SHISA6: variants seen among roughly 807,000 people sequenced by gnomAD.
The protein encoded by SHISA6 is shisa family member 6.
A neutral mutation model predicts 47.9 loss-of-function variants in SHISA6; 22 were observed. The observed-to-expected ratio is 0.46, with a 90% CI of 0.33 to 0.66. SHISA6 has a LOEUF of 0.66. SHISA6 is among the 30% of genes least tolerant of loss of function. The pLI is 0.02. For missense variants in SHISA6, 680 were observed against 764.6 expected (o/e 0.89, Z 1.30); for synonymous variants, 388 against 337.8 (o/e 1.15, Z -1.63).
intron 3 of SHISA6, among the ~76,000 whole-genome samples, chr17:11,528,471 G>A (rs2071704936): frequency 6.6e-6 from 1 of 152,084 alleles, no homozygotes; most frequent in African/African-American, 2.4e-5. Flanking sequence ...AAATACAGAT[G>A]GACAGTTGCA....
At chr17:11,532,923 C>T (rs2071749302) in intron 3 of SHISA6, among the ~76,000 whole-genome samples, 1 of 151,910 alleles carries the variant, frequency 6.6e-6, no homozygotes, top group Non-Finnish European at 1.5e-5. Context: ...TGCAAGACAC[C>T]ACATCCAGTT....
At chr17:11,358,667 C>CTTTTTTTTTT (rs71142206) in intron 2 of SHISA6, among the ~76,000 whole-genome samples, 2,846 of 141,084 alleles carry the variant, frequency 0.02, 90 homozygotes, top group African/African-American at 0.064. Context: ...CCAGAATTTC[C>CTTTTTTTTTT]TTTTTTTTTT....
intron 3 of SHISA6, among the ~76,000 whole-genome samples, chr17:11,467,309 T>C (rs1313815253): frequency 1.3e-5 from 2 of 152,158 alleles, no homozygotes; most frequent in Admixed American, 1.3e-4. Flanking sequence ...AGTTCGTGTT[T>C]AATTCAAAGA....
At chr17:11,531,111 A>G (rs2142371254) in intron 3 of SHISA6, among the ~76,000 whole-genome samples, 1 of 152,030 alleles carries the variant, frequency 6.6e-6, no homozygotes, top group African/African-American at 2.4e-5. Flanking sequence ...CAGCTCAGAT[A>G]CCGTTAGTGA....
chr17:11,294,560 G>A (rs767992456), intron 2 of SHISA6, among the ~76,000 whole-genome samples: 1 of 152,140 alleles, frequency 6.6e-6, no homozygotes, highest in Admixed American at 6.5e-5. Context: ...GTCTTGCAAA[G>A]TTTGTTCCCA....
intron 3 of SHISA6, among the ~76,000 whole-genome samples, chr17:11,442,225 T>G (rs1271828562): frequency 6.6e-6 from 1 of 152,198 alleles, no homozygotes; most frequent in Non-Finnish European, 1.5e-5. Context: ...AGTCTCAGAC[T>G]TATGGGCACA....
At chr17:11,322,114 T>C (rs562493060) in intron 2 of SHISA6, among the ~76,000 whole-genome samples, 30 of 152,334 alleles carry the variant, frequency 2.0e-4, no homozygotes, top group African/African-American at 7.2e-4. Flanking sequence ...AACATTATTT[T>C]CATGTGCAAT....
chr17:11,553,478 T>A (rs2071948326), intron 4 of SHISA6, among the ~76,000 whole-genome samples: 1 of 152,176 alleles, frequency 6.6e-6, no homozygotes, highest in Non-Finnish European at 1.5e-5. Context: ...TGTCTTCTTT[T>A]TTCCAACTGG....
intron 1 of SHISA6, among the ~76,000 whole-genome samples, chr17:11,248,383 G>A (rs1406152978): frequency 6.6e-6 from 1 of 152,160 alleles, no homozygotes; most frequent in Non-Finnish European, 1.5e-5. Context: ...ATTCAGAGAG[G>A]CTAGGTCACA....
At chr17:11,334,061 G>A (rs1911229635) in intron 2 of SHISA6, among the ~76,000 whole-genome samples, 2 of 152,172 alleles carry the variant, frequency 1.3e-5, no homozygotes, top group African/African-American at 2.4e-5. Context: ...AGTCAGTAAA[G>A]TGTGTTCCTG....
At chr17:11,362,303 C>G (rs565673601) in intron 2 of SHISA6, among the ~76,000 whole-genome samples, 2 of 152,100 alleles carry the variant, frequency 1.3e-5, no homozygotes, top group Non-Finnish European at 2.9e-5. Flanking sequence ...CAACACTCAG[C>G]TAATTTCTTT....
At chr17:11,361,983 A>G (rs1004819800) in intron 2 of SHISA6, among the ~76,000 whole-genome samples, 8 of 152,202 alleles carry the variant, frequency 5.3e-5, no homozygotes, top group Non-Finnish European at 5.9e-5. Context: ...TGGAGGGAAC[A>G]GACTACAAGC....
intron 2 of SHISA6, among the ~76,000 whole-genome samples, chr17:11,318,068 T>A (rs979987470): frequency 9.2e-5 from 14 of 152,236 alleles, no homozygotes; most frequent in African/African-American, 2.6e-4. Context: ...AAATTTTTTT[T>A]ATGTATTTCT....
In SHISA6 at chr17:11,430,264, G is replaced by A. The variant is rs1914716993; in HGVS notation, c.895+50755G>A. ...GTCCATAGGAGAACTGCAGTTTCTG[G>A]CCCTTTTGTGATTGGACGAGGCCAC... On this transcript the variant is annotated intron_variant, in intron 3 of 5. Coordinates refer to ENST00000441885, the MANE Select transcript of SHISA6 (RefSeq NM_207386.4). Among the ~76,000 whole-genome samples the A allele has an allele frequency of 2.0e-5, 3 of 152,200 alleles. No individual in the cohort carries two copies. In the South Asian group the frequency reaches 6.2e-4, roughly 32 times the overall value.
chr17:11,408,670 T>C (rs373019460), intron 3 of SHISA6, among the ~76,000 whole-genome samples: 1 of 152,350 alleles, frequency 6.6e-6, no homozygotes, highest in African/African-American at 2.4e-5. Context: ...TGAAGCCATC[T>C]ATTCATTGCC....
chr17:11,330,720 A>G (rs1911072931), intron 2 of SHISA6, among the ~76,000 whole-genome samples: 1 of 152,180 alleles, frequency 6.6e-6, no homozygotes, highest in Non-Finnish European at 1.5e-5. Flanking sequence ...CCAAATGAAC[A>G]GCATACACGA....
chr17:11,481,165 G>C (rs2142330363), intron 3 of SHISA6, among the ~76,000 whole-genome samples: 1 of 152,068 alleles, frequency 6.6e-6, no homozygotes, highest in East Asian at 2.0e-4. Flanking sequence ...TGTAGTCCCA[G>C]CTACTCAGGA....
At position 11,552,964 on chromosome 17, in the gene SHISA6, T is replaced by C. The variant is rs564520453; in HGVS notation, c.952+1012T>C. Among the ~76,000 whole-genome samples the C allele has an allele frequency of 2.0e-5, 3 of 152,330 alleles. No individual in the cohort carries two copies. In the East Asian group the frequency reaches 5.8e-4, roughly 29 times the overall value. On this transcript the variant is annotated intron_variant, in intron 4 of 5. Coordinates refer to ENST00000441885, the MANE Select transcript of SHISA6 (RefSeq NM_207386.4). ...AGGACGGTTGAGATATGAAACCTTTTGAAGAAAGAATTGGAGAAAGTTCCT... is the reference window on the plus strand; with the variant it reads ...AGGACGGTTGAGATATGAAACCTTTCGAAGAAAGAATTGGAGAAAGTTCCT...
At chr17:11,557,076 G>C (rs1179373012) in intron 5 of SHISA6, among the ~76,000 whole-genome samples, 1 of 152,208 alleles carries the variant, frequency 6.6e-6, no homozygotes, top group Non-Finnish European at 1.5e-5. Context: ...GGCACAGGTG[G>C]AGTGTGTGTA....
Sources: gnomAD v4.1 joint callset for allele counts (sites outside exome capture counted in the v4.1 genomes callset) on GRCh38, gnomAD v4.1.1 for gene constraint, MANE v1.5 for transcripts, NCBI Gene and HGNC (gene_info 2026-07-23, HGNC 2026-07-21) for gene names.